FRYL: variants seen among roughly 807,000 people sequenced by gnomAD.
The protein encoded by FRYL is FRY like transcription coactivator, also known as protein furry homolog-like.
A neutral mutation model predicts 351.2 loss-of-function variants in FRYL; 150 were observed. That is an observed-to-expected ratio of 0.43 (90% confidence interval 0.37 to 0.49). FRYL has a LOEUF of 0.49. Ranked by LOEUF, FRYL falls within the 20% of genes least tolerant of loss-of-function variation. The pLI is 0.00. For synonymous variants in FRYL, 1,153 were observed against 1,257.1 expected (o/e 0.92, Z 1.75); for missense variants, 3,036 against 3,619.3 (o/e 0.84, Z 4.13).
chr4:48,609,993 A>C (rs1578334602), intron 7 of FRYL, among the ~76,000 whole-genome samples, 170 bp from the exon 8 acceptor site: 1 of 152,266 alleles, frequency 6.6e-6, no homozygotes, highest in Middle Eastern at 3.4e-3. Context: ...GAATTTGGTT[A>C]CTCATCAAAT....
chr4:48,505,513 A>AT, intron 60 of FRYL, 34 bp downstream of exon 60: 1 of 1,290,506 alleles, frequency 7.7e-7, no homozygotes, highest in Non-Finnish European at 1.1e-6. Context: ...GATACAGAAA[A>AT]TGTATGTTGC....
intron 7 of FRYL, among the ~76,000 whole-genome samples, chr4:48,612,183 C>T (rs1748334842): frequency 6.6e-6 from 1 of 151,974 alleles, no homozygotes; most frequent in Non-Finnish European, 1.5e-5. Context: ...CACTACTCTA[C>T]AACTTATCAC....
Position 48,664,762 on chromosome 4 carries a change from A to G in FRYL, c.-81+19911T>C, listed in dbSNP as rs548028986. Among the ~76,000 whole-genome samples, 31 of 152,346 alleles carry G rather than the reference A, an allele frequency of 2.0e-4. No homozygotes were observed. The East Asian group carries it at 5.8e-3, about 28-fold the overall frequency. On this transcript the variant is annotated intron_variant, in intron 3 of 63. Transcript: ENST00000358350. ...AGCCAACAATAACCACACTTAATGA[A>G]TTCAGCTGAACTGAGGAAAAAGAAA...
chr4:48,528,178 T>C lies in FRYL; in HGVS notation c.7062A>G (p.Ser2354=), dbSNP rs763398152. 114 of 1,612,376 alleles carry C rather than the reference T, an allele frequency of 7.1e-5. No individual in the cohort carries two copies. The highest frequency in any genetic ancestry group is 4.1e-5 in the Non-Finnish European group (48 of 1,178,920). Residue 2354 remains serine, a synonymous_variant, in exon 51 of 64, where the codon TCA becomes TCG. Coordinates refer to ENST00000358350, the MANE Select transcript of FRYL (RefSeq NM_015030.2). ...CATTTTGATATTCTTTATGTACCTG[T>C]GATAACTGTGGCCTTTTCCAACTAA... is the stretch of plus-strand genomic sequence containing the variant. ...VPVSWKRPQL[S]QRRTREKLMN... is the part of the protein sequence containing the mutation.
At chr4:48,667,798 C>T (rs1761991818) in intron 3 of FRYL, among the ~76,000 whole-genome samples, 1 of 152,152 alleles carries the variant, frequency 6.6e-6, no homozygotes, top group Non-Finnish European at 1.5e-5. Context: ...CAGGTGCACA[C>T]CACTACAGCT....
chr4:48,514,987 A>C, intron 56 of FRYL, 41 bp downstream of exon 56: 1 of 1,540,812 alleles, frequency 6.5e-7, no homozygotes, highest in East Asian at 2.3e-5. Context: ...TAGGGGAGAG[A>C]TTATCCCCTC....
At chr4:48,709,844 G>A (rs1767808865) in intron 2 of FRYL, among the ~76,000 whole-genome samples, 1 of 152,046 alleles carries the variant, frequency 6.6e-6, no homozygotes, top group South Asian at 2.1e-4. Flanking sequence ...TTTTCCATTT[G>A]GTAACTTACT....
intron 3 of FRYL, among the ~76,000 whole-genome samples, chr4:48,636,244 C>A (rs1269775650): frequency 6.6e-6 from 1 of 152,000 alleles, no homozygotes; most frequent in African/African-American, 2.4e-5. Flanking sequence ...TAACAAATGT[C>A]ATTGTGGAAG....
chr4:48,653,840 AAGCAGC>A, intron 3 of FRYL: 1 of 901,748 alleles, frequency 1.1e-6, no homozygotes, highest in Non-Finnish European at 1.5e-6. Context: ...GCAGAAGCAG[AAGCAGC>A]AGCAGCAGCG....
At chr4:48,589,714 T>A in intron 18 of FRYL, 31 bp downstream of exon 18, 1 of 1,606,898 alleles carries the variant, frequency 6.2e-7, no homozygotes, top group Middle Eastern at 1.7e-4. Context: ...AAAACTGAAA[T>A]AGCAATGAAG....
chr4:48,696,387 T>A (rs1295506103), intron 2 of FRYL, among the ~76,000 whole-genome samples: 1 of 152,150 alleles, frequency 6.6e-6, no homozygotes, highest in African/African-American at 2.4e-5. Flanking sequence ...GGGACATGGA[T>A]GAAGCTAGAA....
intron 59 of FRYL, 52 bp from the exon 60 acceptor site, chr4:48,505,667 A>G (rs777276646): frequency 1.7e-6 from 2 of 1,146,382 alleles, no homozygotes; most frequent in Admixed American, 1.9e-5. Context: ...TGGGTAGTGT[A>G]ACAGCCTGTC....
chr4:48,581,409 C>T lies in FRYL; in HGVS notation c.2172+11G>A, dbSNP rs577306056. The T allele has an allele frequency of 2.5e-6, 4 of 1,600,488 alleles. No homozygotes were observed. Among genetic ancestry groups the T allele is most frequent in the Non-Finnish European group, 3.4e-6 (4 of 1,173,700 alleles). On this transcript the variant is annotated intron_variant, in intron 21 of 63. Transcript: ENST00000358350. ...TTCAATAGATAACTGAATGAAATAC[C>T]TAAATCTTACCTTAGGTATTTCCAG...
At position 48,712,652 on chromosome 4, in the gene FRYL, T is replaced by C. The variant is rs1450196170; in HGVS notation, c.-383-1954A>G. ...AAGTTGGAAAACACTCTGCAGGATA[T>C]TGTCCAGGAGAACCTCCCCAATCTA... On this transcript the variant is annotated intron_variant, in intron 1 of 63. Coordinates refer to ENST00000358350, the MANE Select transcript of FRYL (RefSeq NM_015030.2). Among the ~76,000 whole-genome samples the C allele has an allele frequency of 1.4e-4, 21 of 152,308 alleles. No individual in the cohort carries two copies. In the East Asian group the frequency reaches 1.7e-3, roughly 13 times the overall value.
At chr4:48,719,468 A>G (rs906287637) in intron 1 of FRYL, among the ~76,000 whole-genome samples, 12 of 151,802 alleles carry the variant, frequency 7.9e-5, no homozygotes, top group African/African-American at 2.7e-4. Flanking sequence ...ATGACAAACC[A>G]TTATTAGTAT....
chr4:48,637,691 A>C (rs1175566267), intron 3 of FRYL: 2 of 152,122 alleles, frequency 1.3e-5, no homozygotes, highest in African/African-American at 4.8e-5. Flanking sequence ...AAAATTTGGG[A>C]ATCTAAAAGC....
chr4:48,569,664 T>G (rs1227809486), intron 27 of FRYL, among the ~76,000 whole-genome samples: 5 of 152,212 alleles, frequency 3.3e-5, no homozygotes, highest in Admixed American at 2.6e-4. Flanking sequence ...AATACTCTGA[T>G]TAAAAATCTA....
intron 4 of FRYL, among the ~76,000 whole-genome samples, chr4:48,629,924 A>T (rs1195822385): frequency 3.3e-5 from 5 of 152,204 alleles, no homozygotes; most frequent in Non-Finnish European, 5.9e-5. Context: ...CTTCAGAGGC[A>T]TTGCCTTTCT....
In FRYL at chr4:48,619,028, T is replaced by G; in HGVS notation, c.411+246A>C. On this transcript the variant is annotated intron_variant, in intron 7 of 63. Transcript: ENST00000358350. Reference sequence around the variant, plus strand: ...AAGGTCAATATTAACACAATTTCCATTCAGCTCCATTTTGCTAACAAGATT... The same window carrying G: ...AAGGTCAATATTAACACAATTTCCAGTCAGCTCCATTTTGCTAACAAGATT... 8.5e-6 allele frequency: 3 copies of G among 354,330 alleles called. No individual in the cohort carries two copies. The Admixed American group carries it at 1.4e-4, about 17-fold the overall frequency. 21.9% of individuals were successfully genotyped at this position (354,330 alleles called of 1,614,324 possible).
Sources: gnomAD v4.1 joint callset for allele counts (sites outside exome capture counted in the v4.1 genomes callset) on GRCh38, gnomAD v4.1.1 for gene constraint, MANE v1.5 for transcripts, NCBI Gene and HGNC (gene_info 2026-07-23, HGNC 2026-07-21) for gene names.